The following FAS variants were observed in gnomAD, a reference collection of about 807,000 sequenced individuals.
The protein encoded by FAS is Fas cell surface death receptor.
Under a neutral mutation model 33.2 loss-of-function variants are expected in FAS, and 5 were observed. The observed-to-expected ratio is 0.15, with a 90% CI of 0.08 to 0.32. FAS has a LOEUF of 0.32. FAS is among the 10% of genes least tolerant of loss of function. The pLI is 1.00. For missense variants in FAS, 339 were observed against 386.0 expected (o/e 0.88, Z 1.02); for synonymous variants, 131 against 130.7 (o/e 1.00, Z -0.01).
At chr10:88,984,970 G>A (rs1846833437), upstream of FAS, among the ~76,000 whole-genome samples, 1 of 152,196 alleles carries the variant, frequency 6.6e-6, no homozygotes, top group African/African-American at 2.4e-5. Flanking sequence ...GAGGAGGAAA[G>A]CAGTATAGGT....
At chr10:88,997,429 T>C (rs1847667391) in intron 1 of FAS, among the ~76,000 whole-genome samples, 1 of 152,246 alleles carries the variant, frequency 6.6e-6, no homozygotes, top group South Asian at 2.1e-4. Flanking sequence ...AACTTGCAAC[T>C]GTTGCTTCAA....
chr10:88,971,456 G>A (rs1295110825), intron 1 of FAS, among the ~76,000 whole-genome samples: 1 of 152,220 alleles, frequency 6.6e-6, no homozygotes, highest in African/African-American at 2.4e-5. Flanking sequence ...GTTAGGATCT[G>A]AGTGTTTGGG....
At position 89,008,502 on chromosome 10, in the gene FAS, G is replaced by A. The variant is rs17114661; in HGVS notation, c.335-387G>A. Among the ~76,000 whole-genome samples the A allele has an allele frequency of 7.1e-3, 1,084 of 152,306 alleles. 15 individuals carry two copies. The highest frequency in any genetic ancestry group is 0.025 in the African/African-American group (1,033 of 41,562). On this transcript the variant is annotated intron_variant, in intron 3 of 8. Transcript: ENST00000652046. ...GTCCCATCTCAGGGCAATTACATCA[G>A]AGTCTCTGAGTGAGGACCTTGGTAT...
chr10:89,007,965 G>A, intron 3 of FAS, 128 bp downstream of exon 3: 2 of 1,446,044 alleles, frequency 1.4e-6, no homozygotes, highest in Non-Finnish European at 1.9e-6. Context: ...AAGGACAGGT[G>A]GCTAGGGTAC....
At chr10:88,989,260 T>G (rs1441950165), upstream of FAS, among the ~76,000 whole-genome samples, 26 of 152,158 alleles carry the variant, frequency 1.7e-4, no homozygotes, top group Admixed American at 1.6e-3. Context: ...CCTTTCCCCT[T>G]TTTTTCTCTC....
In FAS at chr10:88,999,068, A is replaced by G. The variant is rs190835807; in HGVS notation, c.31-3961A>G. On this transcript the variant is annotated intron_variant, in intron 1 of 8. Transcript: ENST00000652046. ...CTCGGGAAGCTGAGGCAGGAGAGTC[A>G]CTTGAACCCGGGAGGCGGAGCTTGC... 2.0e-3 allele frequency among the ~76,000 whole-genome samples: 307 copies of G among 151,928 alleles called. 2 individuals are homozygous for G. The highest frequency in any genetic ancestry group is 3.4e-3 in the Middle Eastern group (1 of 294).
At chr10:88,993,778 C>T (rs1847414583) in intron 1 of FAS, among the ~76,000 whole-genome samples, 1 of 115,640 alleles carries the variant, frequency 8.6e-6, no homozygotes, top group South Asian at 2.5e-4. Flanking sequence ...TTTCTTAAGC[C>T]AACCTAACGA....
At chr10:88,993,472 T>C (rs1207278821) in intron 1 of FAS, among the ~76,000 whole-genome samples, 5 of 152,188 alleles carry the variant, frequency 3.3e-5, no homozygotes, top group South Asian at 2.1e-4. Context: ...TTTTATTTTA[T>C]TGGGCCCCAA....
At chr10:89,001,994 C>T (rs532770529) in intron 1 of FAS, among the ~76,000 whole-genome samples, 7 of 152,254 alleles carry the variant, frequency 4.6e-5, no homozygotes, top group South Asian at 4.1e-4. Context: ...TTGCCTTCCC[C>T]GCCAGCAAGA....
At chr10:88,975,290 G>A (rs1846535838) in intron 2 of FAS, 1 of 152,220 alleles carries the variant, frequency 6.6e-6, no homozygotes, top group African/African-American at 2.4e-5. Flanking sequence ...AGATAAATCA[G>A]AGGCGGAAGA....
Position 89,014,876 on chromosome 10 carries a change from C to T in FAS, c.*426C>T. ...AATATCAGTTACTGAACAGGCAGGC[C>T]ACTTTGCCTCTAAATTACCTCTGAT... On this transcript the variant is annotated 3_prime_UTR_variant, in exon 9 of 9. Coordinates refer to ENST00000652046, the MANE Select transcript of FAS (RefSeq NM_000043.6). The T allele has an allele frequency of 1.9e-6, 1 of 536,868 alleles. No individual in the cohort carries two copies. Among genetic ancestry groups the T allele is most frequent in the South Asian group, 1.5e-5 (1 of 65,188 alleles). The allele number at this position is 536,868 out of a possible 1,614,324, so 33.3% of individuals were successfully genotyped here.
chr10:88,988,470 T>C (rs913304987), upstream of FAS, among the ~76,000 whole-genome samples: 5 of 148,838 alleles, frequency 3.4e-5, no homozygotes, highest in Non-Finnish European at 7.4e-5. Flanking sequence ...TTTTTTTACA[T>C]AGTCAAGATT....
In FAS at chr10:89,015,492, T is replaced by C. The variant is rs1476751571; in HGVS notation, c.*1042T>C. On this transcript the variant is annotated 3_prime_UTR_variant, in exon 9 of 9. Transcript: ENST00000652046. ...AATGGCAGCTTATACATAGCAATGG[T>C]AAAATCATCATCTGGATTTAGGAAT... is the stretch of plus-strand genomic sequence containing the variant. The C allele has an allele frequency of 3.7e-6, 2 of 534,772 alleles. No individual in the cohort carries two copies. The highest frequency in any genetic ancestry group is 1.5e-5 in the South Asian group (1 of 65,150). The allele number at this position is 534,772 out of a possible 1,614,324, so 33.1% of individuals were successfully genotyped here.
At chr10:89,009,386 G>A (rs1017299171) in intron 4 of FAS, among the ~76,000 whole-genome samples, 7 of 152,238 alleles carry the variant, frequency 4.6e-5, no homozygotes, top group African/African-American at 1.7e-4. Flanking sequence ...AGACATGAAT[G>A]TGTCTCATGA....
chr10:89,016,984 T>C lies in FAS; in HGVS notation c.*2534T>C, dbSNP rs897022988. On this transcript the variant is annotated 3_prime_UTR_variant, in exon 9 of 9. Transcript: ENST00000652046. ...TGCTTACTCCTGATTGGTAATTTGTTTGGGTTTAGAATTCTATACAAGGCC... is the reference window on the plus strand; with the variant it reads ...TGCTTACTCCTGATTGGTAATTTGTCTGGGTTTAGAATTCTATACAAGGCC... 5.5e-6 allele frequency: 1 copy of C among 182,848 alleles called. No homozygotes were observed. Among genetic ancestry groups the C allele is most frequent in the African/African-American group, 2.4e-5 (1 of 42,546 alleles). The allele number at this position is 182,848 out of a possible 1,614,324, so 11.3% of individuals were successfully genotyped here.
Position 88,998,552 on chromosome 10 carries a change from T to C in FAS, c.31-4477T>C, listed in dbSNP as rs113463508. On this transcript the variant is annotated intron_variant, in intron 1 of 8. Coordinates refer to ENST00000652046, the MANE Select transcript of FAS (RefSeq NM_000043.6). Reference sequence around the variant, plus strand: ...TCACCTCTGTAAAGACCCTATCTCCTGATACAGTCACATTCGGATGCTCAG... The same window carrying C: ...TCACCTCTGTAAAGACCCTATCTCCCGATACAGTCACATTCGGATGCTCAG... Among the ~76,000 whole-genome samples the C allele has an allele frequency of 2.5e-3, 385 of 151,490 alleles. 4 individuals carry two copies. In the South Asian group the frequency reaches 0.029, roughly 11 times the overall value.
At chr10:89,010,380 G>A (rs1489257522) in intron 4 of FAS, among the ~76,000 whole-genome samples, 159 bp from the exon 5 acceptor site, 1 of 152,060 alleles carries the variant, frequency 6.6e-6, no homozygotes, top group Non-Finnish European at 1.5e-5. Context: ...ATATTAACTT[G>A]TGCCAGCTTT....
At chr10:89,007,597 T>TGG in intron 2 of FAS, 103 bp from the exon 3 acceptor site, 1 of 1,080,136 alleles carries the variant, frequency 9.3e-7, no homozygotes, top group Non-Finnish European at 1.3e-6. Flanking sequence ...CCCCCTCCCC[T>TGG]TGTGTTTTAG....
At chr10:88,992,414 A>G (rs1847295698) in intron 1 of FAS, 1 of 152,232 alleles carries the variant, frequency 6.6e-6, no homozygotes, top group Non-Finnish European at 1.5e-5. Context: ...GGACAGCAGT[A>G]TTAGTAAAGT....
Sources: gnomAD v4.1 joint callset for allele counts (sites outside exome capture counted in the v4.1 genomes callset) on GRCh38, gnomAD v4.1.1 for gene constraint, MANE v1.5 for transcripts, NCBI Gene and HGNC (gene_info 2026-07-23, HGNC 2026-07-21) for gene names.